SYDE2: variants seen among roughly 807,000 people sequenced by gnomAD.
SYDE2 encodes rho GTPase-activating protein SYDE2.
SYDE2 carries 76 observed loss-of-function variants against 91.5 expected under a neutral mutation model. That is an observed-to-expected ratio of 0.83 (90% CI 0.69 to 1.01). SYDE2 has a LOEUF of 1.01. SYDE2 is among the 50% of genes least tolerant of loss of function. The pLI is 0.00. For synonymous variants in SYDE2, 513 were observed against 506.4 expected (o/e 1.01, Z -0.18); for missense variants, 1,364 against 1,367.7 (o/e 1.00, Z 0.04).
chr1:85,199,141 T>C (rs911677775), intron 1 of SYDE2, among the ~76,000 whole-genome samples: 1 of 152,328 alleles, frequency 6.6e-6, no homozygotes, highest in East Asian at 1.9e-4. Flanking sequence ...AAAGTTAATG[T>C]GTATAAATCC....
chr1:85,171,977 C>G (rs1041799603), intron 4 of SYDE2, among the ~76,000 whole-genome samples: 1 of 151,702 alleles, frequency 6.6e-6, no homozygotes, highest in African/African-American at 2.4e-5. Context: ...CAGGAGACAC[C>G]TAAACATTTC....
chr1:85,174,548 A>T (rs1156485107), intron 4 of SYDE2, among the ~76,000 whole-genome samples: 1 of 152,232 alleles, frequency 6.6e-6, no homozygotes, highest in Non-Finnish European at 1.5e-5. Flanking sequence ...GGTAGTAAAG[A>T]TACAGTTGAT....
At position 85,183,162 on chromosome 1, in the gene SYDE2, C is replaced by A; in HGVS notation, c.1480G>T (p.Gly494Ter). Residue 494 changes from glycine (G) to a stop codon, truncating the protein, a stop_gained, in exon 3 of 7, where the codon GGA becomes TGA. Coordinates refer to ENST00000341460, the MANE Select transcript of SYDE2 (RefSeq NM_032184.2). LOFTEE classifies it high-confidence loss of function. ...TTTGGAGAAGATGGTTCCATAATTC[C>A]CAATTCAGTACTATTTGTAGCAGCC... ...ILAATNSTEL[G>*]IMEPSSPNPS... 6.3e-7 allele frequency: 1 copy of A among 1,598,324 alleles called. No homozygotes were observed. The highest frequency in any genetic ancestry group is 8.5e-7 in the Non-Finnish European group (1 of 1,175,142).
intron 1 of SYDE2, among the ~76,000 whole-genome samples, chr1:85,197,961 T>C (rs1178203950): frequency 6.6e-6 from 1 of 152,174 alleles, no homozygotes; most frequent in Non-Finnish European, 1.5e-5. Flanking sequence ...GCCCAGCAAT[T>C]ACTTTTTAAA....
At chr1:85,172,273 TCTG>T (rs1348650458) in intron 4 of SYDE2, among the ~76,000 whole-genome samples, 1 of 152,118 alleles carries the variant, frequency 6.6e-6, no homozygotes, top group East Asian at 1.9e-4. Context: ...GGCAAGGTCG[TCTG>T]CTAAGAGTGA....
chr1:85,186,917 A>C (rs1442428322), intron 2 of SYDE2, among the ~76,000 whole-genome samples: 4 of 152,260 alleles, frequency 2.6e-5, no homozygotes, highest in Admixed American at 6.5e-5. Context: ...AAACCCTAGA[A>C]GAAAACCTAG....
intron 1 of SYDE2, 87 bp downstream of exon 1, chr1:85,200,163 CAT>C (rs1658759741): frequency 1.3e-6 from 2 of 1,584,690 alleles, no homozygotes; most frequent in Non-Finnish European, 1.7e-6. Flanking sequence ...GTCGCAAAAA[CAT>C]AACTTTTTCT....
At position 85,160,373 on chromosome 1, in the gene SYDE2, T is replaced by C. The variant is rs958125027; in HGVS notation, c.3086-1124A>G. Reference sequence around the variant, plus strand: ...CACACTTTTTTAAATTTAGATTTTATTGAAATATTTGATAACTGTACACAG... The same window carrying C: ...CACACTTTTTTAAATTTAGATTTTACTGAAATATTTGATAACTGTACACAG... On this transcript the variant is annotated intron_variant, in intron 6 of 6. Coordinates refer to ENST00000341460, the MANE Select transcript of SYDE2 (RefSeq NM_032184.2). 6 of 867,582 alleles carry C rather than the reference T, an allele frequency of 6.9e-6. No homozygotes were observed. The African/African-American group carries it at 9.1e-5, about 13-fold the overall frequency. The allele number at this position is 867,582 out of a possible 1,614,324, so 53.7% of individuals were successfully genotyped here. A position where few individuals can be genotyped will look rare whatever the true frequency, so the allele number is the denominator to read the frequency against.
chr1:85,176,886 A>T (rs527422964), intron 4 of SYDE2, among the ~76,000 whole-genome samples: 2 of 152,284 alleles, frequency 1.3e-5, no homozygotes, highest in East Asian at 3.9e-4. Flanking sequence ...ATGCTTGAAA[A>T]TTTCAATAAT....
chr1:85,197,031 A>G (rs1225831035), intron 1 of SYDE2, among the ~76,000 whole-genome samples: 1 of 152,188 alleles, frequency 6.6e-6, no homozygotes, highest in Admixed American at 6.5e-5. Flanking sequence ...GGTGCTTTTG[A>G]ATTTGTTTCT....
chr1:85,182,406 C>T lies in SYDE2; in HGVS notation c.2236G>A (p.Val746Ile). Residue 746 changes from valine to isoleucine, a missense_variant, in exon 3 of 7, where the codon GTA (valine) becomes ATA (isoleucine). By Grantham distance (29) the Val-to-Ile change is conservative. Coordinates refer to ENST00000341460, the MANE Select transcript of SYDE2 (RefSeq NM_032184.2). ...CTTGGAGTGGGTTCCCAACTGAATA[C>T]TACTAGTTTCAAATGTTGTGCATTT... is the stretch of plus-strand genomic sequence containing the variant. Reference protein sequence around the residue: ...IENAQHLKLVVFSWEPTPRKN... With the variant: ...IENAQHLKLVIFSWEPTPRKN... The T allele has an allele frequency of 6.2e-7, 1 of 1,613,694 alleles. No homozygotes were observed. The highest frequency in any genetic ancestry group is 2.2e-5 in the East Asian group (1 of 44,872).
intron 3 of SYDE2, 82 bp downstream of exon 3, chr1:85,182,016 C>A: frequency 7.4e-7 from 1 of 1,349,756 alleles, no homozygotes; most frequent in South Asian, 1.7e-5. Context: ...GATTTTTTTA[C>A]ATTACCTTGA....
At chr1:85,197,168 A>G (rs4907139) in intron 1 of SYDE2, among the ~76,000 whole-genome samples, 27,375 of 152,120 alleles carry the variant, frequency 0.18, 2,733 homozygotes, top group East Asian at 0.29. Context: ...ATGTGTAATG[A>G]CTTTAGATTT....
chr1:85,184,202 G>GT (rs1239262119), intron 2 of SYDE2, among the ~76,000 whole-genome samples: 1 of 152,190 alleles, frequency 6.6e-6, no homozygotes, highest in East Asian at 1.9e-4. Flanking sequence ...ACCTAGAACA[G>GT]TAACTGGTAC....
intron 1 of SYDE2, among the ~76,000 whole-genome samples, chr1:85,196,094 A>G (rs909670612): frequency 6.6e-6 from 1 of 152,212 alleles, no homozygotes; most frequent in Non-Finnish European, 1.5e-5. Flanking sequence ...GCCAATATAG[A>G]GGGAACTGCT....
chr1:85,183,246 A>G (rs1658007196), intron 2 of SYDE2, 46 bp from the exon 3 acceptor site: 1 of 1,466,804 alleles, frequency 6.8e-7, no homozygotes, highest in Non-Finnish European at 9.1e-7. Context: ...ATATGTTTTG[A>G]TTTCTTTTAT....
rs1179379072 is a variant in SYDE2, at chr1:85,157,788, T to C, written c.*962A>G. On this transcript the variant is annotated 3_prime_UTR_variant, in exon 7 of 7. Coordinates refer to ENST00000341460, the MANE Select transcript of SYDE2 (RefSeq NM_032184.2). ...ATAATAATTTTGGCCTCATGACATA[T>C]ATACTTTAAAAATACATGTGATTCT... 6.6e-6 allele frequency: 1 copy of C among 152,174 alleles called. No individual in the cohort carries two copies. Among genetic ancestry groups the C allele is most frequent in the African/African-American group, 2.4e-5 (1 of 41,458 alleles). 9.4% of individuals were successfully genotyped at this position (152,174 alleles called of 1,614,324 possible).
chr1:85,190,387 A>G lies in SYDE2; in HGVS notation c.1111T>C (p.Trp371Arg), dbSNP rs1249985863. ...TCATCCTCAGGAATGGGATTGTACC[A>G]TATTTCTCCTTCATCATCTGCATCA... The part of the protein sequence containing the change: ...ENDADDEGEI[W>R]YNPIPEDDDL... The change falls in exon 2 of 7, where the codon TGG becomes CGG. Residue 371 changes from tryptophan to arginine, a missense_variant. Transcript: ENST00000341460. The G allele has an allele frequency of 4.3e-6, 7 of 1,613,924 alleles. No individual in the cohort carries two copies. The highest frequency in any genetic ancestry group is 2.2e-5 in the East Asian group (1 of 44,886).
chr1:85,174,311 TATTA>T lies in SYDE2; in HGVS notation c.2671+3831_2671+3834del, dbSNP rs200907363. On this transcript the variant is annotated intron_variant, in intron 4 of 6. Coordinates refer to ENST00000341460, the MANE Select transcript of SYDE2 (RefSeq NM_032184.2). Reference sequence around the variant, plus strand: ...CTTTATTGATAGTTACAGCACAATTTATTAATTAACTTGACTTTATTGATAGTTA... The same window carrying T: ...CTTTATTGATAGTTACAGCACAATTTATTAACTTGACTTTATTGATAGTTA... Among the ~76,000 whole-genome samples the T allele has an allele frequency of 6.0e-3, 911 of 152,312 alleles. 14 individuals are homozygous for T. Among genetic ancestry groups the T allele is most frequent in the African/African-American group, 0.02 (835 of 41,562 alleles).
Sources: allele counts gnomAD v4.1 joint callset (sites outside exome capture counted in the v4.1 genomes callset), GRCh38; gene constraint gnomAD v4.1.1; transcripts MANE v1.5; gene names NCBI Gene and HGNC (gene_info 2026-07-23, HGNC 2026-07-21).